The following GPC6 variants were observed in gnomAD, a reference collection of about 807,000 sequenced individuals.
GPC6 encodes glypican-6.
GPC6 carries 14 observed loss-of-function variants against 55.2 expected under a neutral mutation model. The observed-to-expected ratio is 0.25, with a 90% CI of 0.17 to 0.40. The LOEUF (loss-of-function observed/expected upper bound fraction) is 0.40. GPC6 is among the 10% of genes least tolerant of loss of function. The probability of loss-of-function intolerance (pLI) is 1.00; values close to 1 mark genes in which losing one functional copy is unlikely to be tolerated. For synonymous variants in GPC6, 278 were observed against 259.6 expected (o/e 1.07, Z -0.68); for missense variants, 641 against 708.5 (o/e 0.90, Z 1.08).
At chr13:94,067,619 A>C (rs1884573212) in intron 4 of GPC6, among the ~76,000 whole-genome samples, 1 of 151,026 alleles carries the variant, frequency 6.6e-6, no homozygotes, top group Non-Finnish European at 1.5e-5. Flanking sequence ...AGATAGATAG[A>C]TAGACAGACA....
chr13:93,964,928 C>T lies in GPC6; in HGVS notation c.712-62801C>T, dbSNP rs190399974. ...GCATTCTACACATTGCAGAAAATAG[C>T]TTACACTCAAAGCCCTTATCAAGAG... On this transcript the variant is annotated intron_variant, in intron 3 of 8. Coordinates refer to ENST00000377047, the MANE Select transcript of GPC6 (RefSeq NM_005708.5). Among the ~76,000 whole-genome samples the T allele has an allele frequency of 2.1e-4, 32 of 152,170 alleles. No homozygotes were observed. In the East Asian group the frequency reaches 6.2e-3, roughly 29 times the overall value.
At chr13:93,520,821 T>G (rs1402217795) in intron 1 of GPC6, among the ~76,000 whole-genome samples, 1 of 151,640 alleles carries the variant, frequency 6.6e-6, no homozygotes, top group African/African-American at 2.4e-5. Context: ...AACTATACTA[T>G]AGACAAACTA....
At chr13:94,158,509 A>G (rs1888038319) in intron 4 of GPC6, among the ~76,000 whole-genome samples, 1 of 152,184 alleles carries the variant, frequency 6.6e-6, no homozygotes, top group South Asian at 2.1e-4. Context: ...ATTCCCAAGG[A>G]TAAGCATTCA....
chr13:93,749,603 A>G lies in GPC6; in HGVS notation c.320-80551A>G, dbSNP rs1028145417. On this transcript the variant is annotated intron_variant, in intron 2 of 8. Transcript: ENST00000377047. Reference sequence around the variant, plus strand: ...ACAGTAGAGCATTATAATAAAACTTAAAAATTGCAATAAATATTTATAACA... The same window carrying G: ...ACAGTAGAGCATTATAATAAAACTTGAAAATTGCAATAAATATTTATAACA... Among the ~76,000 whole-genome samples the G allele has an allele frequency of 3.3e-5, 5 of 152,212 alleles. No individual in the cohort carries two copies. The East Asian group carries it at 9.6e-4, about 29-fold the overall frequency.
intron 1 of GPC6, among the ~76,000 whole-genome samples, chr13:93,456,103 G>GT (rs1329503100): frequency 3.3e-5 from 5 of 152,150 alleles, no homozygotes; most frequent in African/African-American, 1.2e-4. Flanking sequence ...CTGGAGAATT[G>GT]TAACAAGTGT....
chr13:94,200,694 T>C (rs924497081), intron 4 of GPC6, among the ~76,000 whole-genome samples: 3 of 152,240 alleles, frequency 2.0e-5, no homozygotes, highest in African/African-American at 7.2e-5. Context: ...ATTAACTCAA[T>C]AGATGTTTGA....
At chr13:93,875,988 G>A (rs571336103) in intron 3 of GPC6, among the ~76,000 whole-genome samples, 5 of 152,144 alleles carry the variant, frequency 3.3e-5, no homozygotes, top group African/African-American at 1.2e-4. Context: ...CAGCATTAAG[G>A]TTCCAGAGGC....
intron 1 of GPC6, among the ~76,000 whole-genome samples, chr13:93,368,089 A>T (rs940920821): frequency 6.6e-6 from 1 of 152,058 alleles, no homozygotes; most frequent in Non-Finnish European, 1.5e-5. Flanking sequence ...CTTTTGCTTC[A>T]AATACTTTTG....
chr13:93,959,711 A>T lies in GPC6; in HGVS notation c.712-68018A>T, dbSNP rs151022179. Among the ~76,000 whole-genome samples the T allele has an allele frequency of 3.0e-4, 45 of 152,266 alleles. No individual in the cohort carries two copies. The East Asian group carries it at 7.1e-3, about 24-fold the overall frequency. On this transcript the variant is annotated intron_variant, in intron 3 of 8. Transcript: ENST00000377047. Reference sequence around the variant, plus strand: ...TCACTACCCTGATGGACTACATCTCAGGGGTCAGCCAGAATCCTTCTTAGG... The same window carrying T: ...TCACTACCCTGATGGACTACATCTCTGGGGTCAGCCAGAATCCTTCTTAGG...
chr13:93,546,216 A>G (rs976031313), intron 2 of GPC6, among the ~76,000 whole-genome samples: 1 of 152,184 alleles, frequency 6.6e-6, no homozygotes, highest in African/African-American at 2.4e-5. Flanking sequence ...CTTGTGGTGA[A>G]CCTTCTTTTG....
At chr13:93,827,957 A>G (rs944927952) in intron 2 of GPC6, among the ~76,000 whole-genome samples, 1 of 152,054 alleles carries the variant, frequency 6.6e-6, no homozygotes, top group Non-Finnish European at 1.5e-5. Flanking sequence ...TATTCCTAAG[A>G]CAAACATTTA....
chr13:94,333,112 A>G (rs1877510401), intron 6 of GPC6, among the ~76,000 whole-genome samples: 1 of 152,194 alleles, frequency 6.6e-6, no homozygotes, highest in African/African-American at 2.4e-5. Flanking sequence ...CCCTCTTAAT[A>G]TAGTGCTGAG....
chr13:93,569,065 C>T (rs1876275305), intron 2 of GPC6, among the ~76,000 whole-genome samples: 1 of 152,126 alleles, frequency 6.6e-6, no homozygotes, highest in South Asian at 2.1e-4. Context: ...GAGCCTAACA[C>T]AAGACTTTTT....
intron 2 of GPC6, among the ~76,000 whole-genome samples, chr13:93,617,737 T>C (rs2139551476): frequency 6.6e-6 from 1 of 152,266 alleles, no homozygotes; most frequent in East Asian, 1.9e-4. Flanking sequence ...TGGGCCATTT[T>C]GTTTTCAGAG....
intron 1 of GPC6, among the ~76,000 whole-genome samples, chr13:93,231,836 A>G (rs538833981): frequency 6.6e-6 from 1 of 152,100 alleles, no homozygotes; most frequent in African/African-American, 2.4e-5. Context: ...TTATTTTGCA[A>G]CTTTTTCTGT....
At chr13:94,129,698 T>A (rs1444236394) in intron 4 of GPC6, among the ~76,000 whole-genome samples, 1 of 152,132 alleles carries the variant, frequency 6.6e-6, no homozygotes, top group Non-Finnish European at 1.5e-5. Flanking sequence ...GTCCCCTGTG[T>A]AACTATTTCC....
intron 2 of GPC6, among the ~76,000 whole-genome samples, chr13:93,734,160 G>C (rs1883920859): frequency 1.3e-5 from 2 of 152,194 alleles, no homozygotes; most frequent in African/African-American, 4.8e-5. Flanking sequence ...TGTTTTGAAG[G>C]CTTGAAATCC....
chr13:94,174,005 T>C (rs1018204180), intron 4 of GPC6, among the ~76,000 whole-genome samples: 3 of 152,216 alleles, frequency 2.0e-5, no homozygotes, highest in Admixed American at 6.5e-5. Context: ...TCCATTGATA[T>C]CTTCTTATTA....
chr13:94,051,043 C>T lies in GPC6; in HGVS notation c.877+23149C>T, dbSNP rs534455736. ...ACAGATGGCAAAAGATACTGACTTCCATCACATATATAAGTTCTGACCCTA... is the reference window on the plus strand; with the variant it reads ...ACAGATGGCAAAAGATACTGACTTCTATCACATATATAAGTTCTGACCCTA... On this transcript the variant is annotated intron_variant, in intron 4 of 8. Transcript: ENST00000377047. 9.2e-5 allele frequency among the ~76,000 whole-genome samples: 14 copies of T among 152,236 alleles called. 1 individual carries two copies. The South Asian group carries it at 2.9e-3, about 32-fold the overall frequency.
Sources: gnomAD v4.1 joint callset for allele counts (sites outside exome capture counted in the v4.1 genomes callset) on GRCh38, gnomAD v4.1.1 for gene constraint, MANE v1.5 for transcripts, NCBI Gene and HGNC (gene_info 2026-07-23, HGNC 2026-07-21) for gene names.